IFT25: variants seen among roughly 807,000 people sequenced by gnomAD.
IFT25 encodes the protein intraflagellar transport protein 25 homolog.
At chr1:53,933,478 C>T in the IFT25 span, among the ~76,000 whole-genome samples, 3 of 152,176 alleles carry the variant, frequency 2.0e-5, no homozygotes, top group Non-Finnish European at 4.4e-5. Context: ...TATAACGTGT[C>T]CCCTTTGTCT....
chr1:53,943,864 C>T, the IFT25 span, among the ~76,000 whole-genome samples: 33 of 152,130 alleles, frequency 2.2e-4, no homozygotes, highest in Non-Finnish European at 4.4e-4. Flanking sequence ...TCAAGCGATC[C>T]GCCTGCCTTG....
chr1:53,930,209 A>T, the IFT25 span: 1 of 1,421,502 alleles, frequency 7.0e-7, no homozygotes, highest in Non-Finnish European at 9.4e-7. Context: ...ATAAAATTTT[A>T]TTGAATACCT....
chr1:53,938,489 C>T, the IFT25 span, among the ~76,000 whole-genome samples: 7 of 152,176 alleles, frequency 4.6e-5, no homozygotes, highest in Non-Finnish European at 1.0e-4. Context: ...AAGATGACAA[C>T]TACGCTTCAA....
the IFT25 span, chr1:53,940,115 A>G: frequency 1.4e-5 from 17 of 1,254,190 alleles, no homozygotes; most frequent in African/African-American, 1.2e-4. Context: ...TTAAAAAATA[A>G]CAAAAAAAGC....
chr1:53,937,833 T>A, the IFT25 span, among the ~76,000 whole-genome samples: 2 of 152,188 alleles, frequency 1.3e-5, no homozygotes, highest in African/African-American at 2.4e-5. Context: ...CTTAAAGCAG[T>A]TGCCACATTA....
At chr1:53,912,591 C>A in the IFT25 span, among the ~76,000 whole-genome samples, 3 of 152,102 alleles carry the variant, frequency 2.0e-5, no homozygotes, top group Non-Finnish European at 4.4e-5. Context: ...CAAAGATGCC[C>A]AGTACTTCCA....
At chr1:53,935,001 A>G in the IFT25 span, among the ~76,000 whole-genome samples, 13,156 of 152,252 alleles carry the variant, frequency 0.086, 601 homozygotes, top group Middle Eastern at 0.12. Flanking sequence ...TCTGTCTCAA[A>G]AAAACAAAAA....
chr1:53,920,478 C>T, the IFT25 span, among the ~76,000 whole-genome samples: 2 of 150,522 alleles, frequency 1.3e-5, no homozygotes, highest in Non-Finnish European at 2.9e-5. Context: ...CTTTCTGGCA[C>T]AACAAAATGT....
the IFT25 span, among the ~76,000 whole-genome samples, chr1:53,918,983 C>T: frequency 2.0e-5 from 3 of 152,200 alleles, no homozygotes; most frequent in Non-Finnish European, 4.4e-5. Flanking sequence ...GGACTACAGG[C>T]GCATGCCACC....
chr1:53,931,109 C>A, the IFT25 span, among the ~76,000 whole-genome samples: 1 of 152,176 alleles, frequency 6.6e-6, no homozygotes, highest in Admixed American at 6.5e-5. Flanking sequence ...CAATCCCTAC[C>A]TCCCTTAGGC....
chr1:53,936,761 CTT>C, the IFT25 span, among the ~76,000 whole-genome samples: 5 of 151,950 alleles, frequency 3.3e-5, no homozygotes, highest in East Asian at 1.9e-4. Flanking sequence ...GATTTTCTCT[CTT>C]CTTTTTTACT....
chr1:53,919,781 T>C, the IFT25 span, among the ~76,000 whole-genome samples: 1 of 149,990 alleles, frequency 6.7e-6, no homozygotes, highest in Non-Finnish European at 1.5e-5. Context: ...TTCATGCAAA[T>C]CAATAACTTT....
At chr1:53,921,127 C>T in the IFT25 span, among the ~76,000 whole-genome samples, 12 of 152,098 alleles carry the variant, frequency 7.9e-5, no homozygotes, top group East Asian at 1.9e-4. Flanking sequence ...GAGCCAAGAT[C>T]GAGCCACTGC....
chr1:53,931,325 G>C, the IFT25 span, among the ~76,000 whole-genome samples: 1 of 152,048 alleles, frequency 6.6e-6, no homozygotes. Context: ...TGGGACATAG[G>C]GTAAAAGTAT....
At chr1:53,939,347 T>C in the IFT25 span, among the ~76,000 whole-genome samples, 1 of 144,418 alleles carries the variant, frequency 6.9e-6, no homozygotes, top group African/African-American at 2.6e-5. Context: ...GCCAAGATGG[T>C]GCCACTGGAC....
At chr1:53,921,817 T>A in the IFT25 span, 1 of 1,114,778 alleles carries the variant, frequency 9.0e-7, no homozygotes, top group Non-Finnish European at 1.4e-6. Flanking sequence ...GCTAGTTAAC[T>A]GTTAACAAGC....
the IFT25 span, among the ~76,000 whole-genome samples, chr1:53,934,890 T>C: frequency 6.6e-6 from 1 of 152,112 alleles, no homozygotes; most frequent in Non-Finnish European, 1.5e-5. Context: ...TCATAGCTAC[T>C]TGGGAGGCTG....
chr1:53,941,896 A>C, the IFT25 span, among the ~76,000 whole-genome samples: 1 of 152,324 alleles, frequency 6.6e-6, no homozygotes, highest in South Asian at 2.1e-4. Context: ...AAAGCTTCTC[A>C]AGATACCCTG....
At chr1:53,914,644 T>C in the IFT25 span, among the ~76,000 whole-genome samples, 1 of 152,218 alleles carries the variant, frequency 6.6e-6, no homozygotes. Context: ...TTAGGCTATA[T>C]TTCTAGAAAT....
Sources: gnomAD v4.1 joint callset for allele counts (sites outside exome capture counted in the v4.1 genomes callset) on GRCh38, gnomAD v4.1.1 for gene constraint, MANE v1.5 for transcripts, NCBI Gene and HGNC (gene_info 2026-07-23, HGNC 2026-07-21) for gene names.